The following SHROOM1 variants were observed in gnomAD, a reference collection of about 807,000 sequenced individuals.
SHROOM1 encodes protein Shroom1.
SHROOM1 carries 53 observed loss-of-function variants against 64.2 expected under a neutral mutation model. The ratio of observed to expected loss-of-function variants is 0.83; its 90% CI spans 0.66 to 1.04. The LOEUF is 1.04. SHROOM1 is among the 50% of genes least tolerant of loss of function. The probability of loss-of-function intolerance (pLI) is 0.00; values close to 1 mark genes in which losing one functional copy is unlikely to be tolerated. For missense variants in SHROOM1, 1,179 were observed against 1,163.2 expected (o/e 1.01, Z -0.20); for synonymous variants, 490 against 518.9 (o/e 0.94, Z 0.76).
chr5:132,823,074 C>G lies in SHROOM1; in HGVS notation c.2281G>C (p.Glu761Gln), dbSNP rs1431861446. ...CGCCGCGCTACGTGCTCCTTCAGCTCCTTGGCGTCCTCCTCCTGCCGCTGC... is the reference window on the plus strand; with the variant it reads ...CGCCGCGCTACGTGCTCCTTCAGCTGCTTGGCGTCCTCCTCCTGCCGCTGC... The part of the protein sequence containing the change: ...LLQRQEEDAK[E>Q]LKEHVARRER... The change falls in exon 10 of 10, where the codon GAG (glutamate) becomes CAG (glutamine). Residue 761 changes from glutamate (E) to glutamine (Q), a missense_variant. Glu to Gln is a conservative substitution (Grantham distance 29). Transcript: ENST00000378679. This position sits in a 1 kb window ranked among gnomAD's most constrained non-coding sequence, Gnocchi z 4.6. 1 of 1,590,866 alleles carries G rather than the reference C, an allele frequency of 6.3e-7. No individual in the cohort carries two copies. The highest frequency in any genetic ancestry group is 2.3e-5 in the East Asian group (1 of 44,302).
rs757543039 is a variant in SHROOM1, at chr5:132,822,781, C to T, written c.*15G>A. Reference sequence around the variant, plus strand: ...GAGAGATAGGGGCGGTGCACCCCACCCTCTCCACCTATAACTATGTAAGGA... The same window carrying T: ...GAGAGATAGGGGCGGTGCACCCCACTCTCTCCACCTATAACTATGTAAGGA... On this transcript the variant is annotated 3_prime_UTR_variant, in exon 10 of 10. Coordinates refer to ENST00000378679, the MANE Select transcript of SHROOM1 (RefSeq NM_001172700.2). 5 of 1,571,210 alleles carry T rather than the reference C, an allele frequency of 3.2e-6. No individual in the cohort carries two copies. The highest frequency in any genetic ancestry group is 2.3e-5 in the South Asian group (2 of 85,716).
rs751016823 is a variant in SHROOM1, at chr5:132,825,350, G to A, written c.791C>T (p.Ala264Val). 6 of 1,601,238 alleles carry A rather than the reference G, an allele frequency of 3.7e-6. No individual in the cohort carries two copies. In the East Asian group the frequency reaches 8.9e-5, roughly 24 times the overall value. Residue 264 changes from alanine (A) to valine (V), a missense_variant, in exon 4 of 10, where the codon GCG becomes GTG. By Grantham distance (64) the Ala-to-Val change is moderately conservative. Transcript: ENST00000378679. This position sits in a 1 kb window ranked among gnomAD's most constrained non-coding sequence, Gnocchi z 5.1. Reference protein sequence around the residue: ...GPEPLEFQHPALAKFEDHEVG... With the variant: ...GPEPLEFQHPVLAKFEDHEVG... ...CTCGTGATCTTCAAACTTAGCCAGC[G>A]CCGGATGCTGGAACTCCAAGGGCTC...
Position 132,825,105 on chromosome 5 carries a change from C to T in SHROOM1, c.979-32G>A, listed in dbSNP as rs761962485. 2 of 1,614,016 alleles carry T rather than the reference C, an allele frequency of 1.2e-6. No individual in the cohort carries two copies. Among genetic ancestry groups the T allele is most frequent in the East Asian group, 2.2e-5 (1 of 44,880 alleles). On this transcript the variant is annotated intron_variant, in intron 4 of 9. Coordinates refer to ENST00000378679, the MANE Select transcript of SHROOM1 (RefSeq NM_001172700.2). The surrounding 1 kb of genome is among the most constrained non-coding windows in gnomAD (Gnocchi z 5.1). The stretch of plus-strand genomic sequence containing the variant: ...GGGTGAACAGTCGACTGAAATGTGG[C>T]TCAAGTTTTGTTTCCCAGATGCTCC...
In SHROOM1 at chr5:132,823,714, G is replaced by C; in HGVS notation, c.1862C>G (p.Thr621Arg). The change falls in exon 8 of 10, where the codon ACA (threonine) becomes AGA (arginine). Residue 621 changes from threonine to arginine, a missense_variant. Transcript: ENST00000378679. The surrounding 1 kb of genome is among the most constrained non-coding windows in gnomAD (Gnocchi z 4.6). ...TQLLPAPREE[T>R]RLENPATHPV... The stretch of plus-strand genomic sequence containing the variant: ...GTGGGTGGCAGGGTTTTCAAGCCTT[G>C]TCTCCTCCCGAGGAGCCGGCAGGAG... 6.2e-7 allele frequency: 1 copy of C among 1,611,138 alleles called. No individual in the cohort carries two copies. Among genetic ancestry groups the C allele is most frequent in the Non-Finnish European group, 8.5e-7 (1 of 1,178,742 alleles).
chr5:132,823,024 C>G lies in SHROOM1; in HGVS notation c.2331G>C (p.Leu777=). 6.2e-7 allele frequency: 1 copy of G among 1,601,950 alleles called. No individual in the cohort carries two copies. Among genetic ancestry groups the G allele is most frequent in the Non-Finnish European group, 8.5e-7 (1 of 1,179,426 alleles). The part of the protein sequence containing the change: ...ARRERAVREV[L]VRALPVEELR... ...GCTCCTCCACCGGTAGTGCTCGCAC[C>G]AGCACCTCCCGCACGGCCCGCTCGC... The change falls in exon 10 of 10, where the codon CTG becomes CTC. Residue 777 remains leucine (L), a synonymous_variant. Coordinates refer to ENST00000378679, the MANE Select transcript of SHROOM1 (RefSeq NM_001172700.2). This position sits in a 1 kb window ranked among gnomAD's most constrained non-coding sequence, Gnocchi z 4.6.
rs546154394 is a variant in SHROOM1, at chr5:132,825,565, C to T, written c.576G>A (p.Pro192=). The T allele has an allele frequency of 3.5e-6, 5 of 1,412,152 alleles. No individual in the cohort carries two copies. The East Asian group carries it at 1.4e-4, about 39-fold the overall frequency. The allele number at this position is 1,412,152 out of a possible 1,614,324, so 87.5% of individuals were successfully genotyped here. ...AGCGCGCCGGCTCCCCCTCCCCGCC[C>T]GGGTGGCTGAGCGAGGCGGAGCGCG... ...THPRSASLSH[P]GGEGEPARSR... Residue 192 remains proline, a synonymous_variant, in exon 4 of 10, where the codon CCG becomes CCA. Coordinates refer to ENST00000378679, the MANE Select transcript of SHROOM1 (RefSeq NM_001172700.2). This position sits in a 1 kb window ranked among gnomAD's most constrained non-coding sequence, Gnocchi z 5.1.
Position 132,824,198 on chromosome 5 carries a change from G to T in SHROOM1, c.1463C>A (p.Thr488Asn). 1.2e-6 allele frequency: 2 copies of T among 1,614,236 alleles called. No homozygotes were observed. The highest frequency in any genetic ancestry group is 3.3e-5 in the Admixed American group (2 of 60,032). The change falls in exon 7 of 10, where the codon ACC becomes AAC. Residue 488 changes from threonine (T) to asparagine (N), a missense_variant. Thr to Asn is a moderately conservative substitution (Grantham distance 65). Coordinates refer to ENST00000378679, the MANE Select transcript of SHROOM1 (RefSeq NM_001172700.2). ...CTCTGCAGCTGTGGGGGGATTGGTGGTCAGTCCAGTGGGGTCAATAGTTGG... is the reference window on the plus strand; with the variant it reads ...CTCTGCAGCTGTGGGGGGATTGGTGTTCAGTCCAGTGGGGTCAATAGTTGG... The part of the protein sequence containing the change: ...NIPTIDPTGL[T>N]TNPPTAAESD...
chr5:132,823,558 G>A lies in SHROOM1; in HGVS notation c.1954-36C>T, dbSNP rs1445336342. ...GGCTCAAGGCTGGGGCCAGGCTCATGACTTCCCTGCCCAGGCTCTGGGCTC... is the reference window on the plus strand; with the variant it reads ...GGCTCAAGGCTGGGGCCAGGCTCATAACTTCCCTGCCCAGGCTCTGGGCTC... On this transcript the variant is annotated intron_variant, in intron 8 of 9. Transcript: ENST00000378679. The surrounding 1 kb of genome is among the most constrained non-coding windows in gnomAD (Gnocchi z 4.6). 1 of 1,572,728 alleles carries A rather than the reference G, an allele frequency of 6.4e-7. No homozygotes were observed. The highest frequency in any genetic ancestry group is 8.7e-7 in the Non-Finnish European group (1 of 1,155,864).
chr5:132,830,526 C>G lies in SHROOM1; in HGVS notation c.-501+68G>C. On this transcript the variant is annotated intron_variant, in intron 1 of 9. Coordinates refer to ENST00000378679, the MANE Select transcript of SHROOM1 (RefSeq NM_001172700.2). The surrounding 1 kb of genome is among the most constrained non-coding windows in gnomAD (Gnocchi z 5.9). The stretch of plus-strand genomic sequence containing the variant: ...GCTCTTCACCCCCGTCCGCCCGCAG[C>G]CCCGCCGGCCTCCCGGGGGAAGCGG... The G allele has an allele frequency of 1.0e-6, 1 of 985,624 alleles. No homozygotes were observed. The highest frequency in any genetic ancestry group is 1.2e-6 in the Non-Finnish European group (1 of 829,856). The allele number at this position is 985,624 out of a possible 1,614,324, so 61.1% of individuals were successfully genotyped here. A position where few individuals can be genotyped will look rare whatever the true frequency, so the allele number is the denominator to read the frequency against.
Position 132,830,110 on chromosome 5 carries a change from C to A in SHROOM1, c.-501+484G>T, listed in dbSNP as rs1244517531. 6.8e-5 allele frequency: 67 copies of A among 985,284 alleles called. No homozygotes were observed. Among genetic ancestry groups the A allele is most frequent in the Non-Finnish European group, 8.1e-5 (67 of 829,870 alleles). 61.0% of individuals were successfully genotyped at this position (985,284 alleles called of 1,614,324 possible). ...GCGGCCGCAGGGGGCGGCAGAGACA[C>A]GCGGAGCGGCTCGACAGCAGATGGC... is the stretch of plus-strand genomic sequence containing the variant. On this transcript the variant is annotated intron_variant, in intron 1 of 9. Coordinates refer to ENST00000378679, the MANE Select transcript of SHROOM1 (RefSeq NM_001172700.2). The surrounding 1 kb of genome is among the most constrained non-coding windows in gnomAD (Gnocchi z 5.9).
In SHROOM1 at chr5:132,823,020, G is replaced by C; in HGVS notation, c.2335C>G (p.Arg779Gly). 1 of 1,602,422 alleles carries C rather than the reference G, an allele frequency of 6.2e-7. No individual in the cohort carries two copies. The highest frequency in any genetic ancestry group is 8.5e-7 in the Non-Finnish European group (1 of 1,179,476). The change falls in exon 10 of 10, where the codon CGA becomes GGA. Residue 779 changes from arginine (R) to glycine (G), a missense_variant. Coordinates refer to ENST00000378679, the MANE Select transcript of SHROOM1 (RefSeq NM_001172700.2). The surrounding 1 kb of genome is among the most constrained non-coding windows in gnomAD (Gnocchi z 4.6). Reference protein sequence around the residue: ...RERAVREVLVRALPVEELRVY... With the variant: ...RERAVREVLVGALPVEELRVY... Reference sequence around the variant, plus strand: ...CGCAGCTCCTCCACCGGTAGTGCTCGCACCAGCACCTCCCGCACGGCCCGC... The same window carrying C: ...CGCAGCTCCTCCACCGGTAGTGCTCCCACCAGCACCTCCCGCACGGCCCGC...
intron 1 of SHROOM1, among the ~76,000 whole-genome samples, chr5:132,828,676 G>T (rs1758769151): frequency 6.6e-6 from 1 of 152,218 alleles, no homozygotes; most frequent in African/African-American, 2.4e-5. Context: ...TATCTTATTT[G>T]TGAGTTACTA....
chr5:132,826,114 G>A lies in SHROOM1; in HGVS notation c.27C>T (p.Asp9=). 4.3e-6 allele frequency: 6 copies of A among 1,393,108 alleles called. No homozygotes were observed. Among genetic ancestry groups the A allele is most frequent in the Non-Finnish European group, 5.6e-6 (6 of 1,073,130 alleles). 86.3% of individuals were successfully genotyped at this position (1,393,108 alleles called of 1,614,324 possible). The stretch of plus-strand genomic sequence containing the variant: ...TAGTGGACGAGGCCGGGGAGGCGCG[G>A]TCGCCCCCAGGTCCCAGGGCCTCCA... MEALGPGG[D]RASPASSTSS... is the part of the protein sequence containing the mutation. Residue 9 remains aspartate (D), a synonymous_variant, in exon 4 of 10, where the codon GAC becomes GAT. Transcript: ENST00000378679.
rs1318400598 is a variant in SHROOM1, at chr5:132,830,625, C to G, written c.-532G>C. ...CTCCCGCCGAGACGCGCTCCTGGGCCGTCGCAGCCGCGCGGTGACATCAGA... is the reference window on the plus strand; with the variant it reads ...CTCCCGCCGAGACGCGCTCCTGGGCGGTCGCAGCCGCGCGGTGACATCAGA... On this transcript the variant is annotated 5_prime_UTR_variant, in exon 1 of 10. Coordinates refer to ENST00000378679, the MANE Select transcript of SHROOM1 (RefSeq NM_001172700.2). The surrounding 1 kb of genome is among the most constrained non-coding windows in gnomAD (Gnocchi z 5.9). 2.0e-6 allele frequency: 2 copies of G among 985,248 alleles called. No individual in the cohort carries two copies. Among genetic ancestry groups the G allele is most frequent in the Non-Finnish European group, 2.4e-6 (2 of 829,892 alleles). 61.0% of individuals were successfully genotyped at this position (985,248 alleles called of 1,614,324 possible).
At position 132,824,298 on chromosome 5, in the gene SHROOM1, G is replaced by T. The variant is rs145785113; in HGVS notation, c.1363C>A (p.Gln455Lys). The change falls in exon 7 of 10, where the codon CAG becomes AAG. Residue 455 changes from glutamine to lysine, a missense_variant. Coordinates refer to ENST00000378679, the MANE Select transcript of SHROOM1 (RefSeq NM_001172700.2). Reference protein sequence around the residue: ...PGTAGADDCWQGVNGSVGISR... With the variant: ...PGTAGADDCWKGVNGSVGISR... The stretch of plus-strand genomic sequence containing the variant: ...ATACCTACAGAACCATTCACCCCCT[G>T]CCAGCAGTCATCTGCCCCTGCAGTT... 926 of 1,613,662 alleles carry T rather than the reference G, an allele frequency of 5.7e-4. 3 individuals carry two copies. Among genetic ancestry groups the T allele is most frequent in the Admixed American group, 7.7e-4 (46 of 60,016 alleles).
In SHROOM1 at chr5:132,826,110, C is replaced by A. The variant is rs762751343; in HGVS notation, c.31G>T (p.Ala11Ser). The A allele has an allele frequency of 7.2e-7, 1 of 1,395,118 alleles. No individual in the cohort carries two copies. The highest frequency in any genetic ancestry group is 2.8e-5 in the East Asian group (1 of 35,878). The allele number at this position is 1,395,118 out of a possible 1,614,324, so 86.4% of individuals were successfully genotyped here. A position where few individuals can be genotyped will look rare whatever the true frequency, so the allele number is the denominator to read the frequency against. The change falls in exon 4 of 10, where the codon GCC becomes TCC. Residue 11 changes from alanine to serine, a missense_variant. Ala to Ser is a moderately conservative substitution (Grantham distance 99, BLOSUM62 1). Transcript: ENST00000378679. ...CTGCTAGTGGACGAGGCCGGGGAGG[C>A]GCGGTCGCCCCCAGGTCCCAGGGCC... MEALGPGGDR[A>S]SPASSTSSLD...
rs1758812304 is a variant in SHROOM1 at position 132,830,526 on chromosome 5, C to T, written c.-501+68G>A. On this transcript the variant is annotated intron_variant, in intron 1 of 9. Transcript: ENST00000378679. This position sits in a 1 kb window ranked among gnomAD's most constrained non-coding sequence, Gnocchi z 5.9. Reference sequence around the variant, plus strand: ...GCTCTTCACCCCCGTCCGCCCGCAGCCCCGCCGGCCTCCCGGGGGAAGCGG... The same window carrying T: ...GCTCTTCACCCCCGTCCGCCCGCAGTCCCGCCGGCCTCCCGGGGGAAGCGG... 1.0e-6 allele frequency: 1 copy of T among 985,624 alleles called. No homozygotes were observed. Among genetic ancestry groups the T allele is most frequent in the South Asian group, 4.6e-5 (1 of 21,828 alleles). The allele number at this position is 985,624 out of a possible 1,614,324, so 61.1% of individuals were successfully genotyped here. A position where few individuals can be genotyped will look rare whatever the true frequency, so the allele number is the denominator to read the frequency against.
At position 132,823,651 on chromosome 5, in the gene SHROOM1, G is replaced by A; in HGVS notation, c.1925C>T (p.Ala642Val). Residue 642 changes from alanine (A) to valine (V), a missense_variant, in exon 8 of 10, where the codon GCA becomes GTA. Physicochemically the swap from Ala to Val is moderately conservative, Grantham distance 64. Coordinates refer to ENST00000378679, the MANE Select transcript of SHROOM1 (RefSeq NM_001172700.2). This position sits in a 1 kb window ranked among gnomAD's most constrained non-coding sequence, Gnocchi z 4.6. ...LDQPCGQGLP[A>V]PNNSIQGKKV... ...CTTGCCCTGGATGCTGTTGTTTGGTGCAGGGAGCCCCTGCCCACATGGCTG... is the reference window on the plus strand; with the variant it reads ...CTTGCCCTGGATGCTGTTGTTTGGTACAGGGAGCCCCTGCCCACATGGCTG... 2.5e-6 allele frequency: 4 copies of A among 1,606,314 alleles called. No individual in the cohort carries two copies.
chr5:132,822,985 G>T lies in SHROOM1; in HGVS notation c.2370C>A (p.Cys790Ter). 5 of 1,608,126 alleles carry T rather than the reference G, an allele frequency of 3.1e-6. No homozygotes were observed. The highest frequency in any genetic ancestry group is 4.2e-6 in the Non-Finnish European group (5 of 1,179,746). ...CGGCGGCCTTGCCCGCCAGCAGGGCGCAATAGACGCGCAGCTCCTCCACCG... is the reference window on the plus strand; with the variant it reads ...CGGCGGCCTTGCCCGCCAGCAGGGCTCAATAGACGCGCAGCTCCTCCACCG... Reference protein sequence around the residue: ...ALPVEELRVYCALLAGKAAVL... With the variant: ...ALPVEELRVY The change falls in exon 10 of 10, where the codon TGC becomes TGA. Residue 790 changes from cysteine (C) to a stop codon, truncating the protein, a stop_gained. Transcript: ENST00000378679. LOFTEE classifies it high-confidence loss of function.
Sources: allele counts gnomAD v4.1 joint callset (sites outside exome capture counted in the v4.1 genomes callset), GRCh38; gene constraint gnomAD v4.1.1; non-coding constraint Gnocchi (gnomAD v3.1); transcripts MANE v1.5; gene names NCBI Gene and HGNC (gene_info 2026-07-23, HGNC 2026-07-21).